The following SCAI variants were observed in gnomAD, a reference collection of about 807,000 sequenced individuals.
SCAI encodes the protein suppressor of cancer cell invasion.
SCAI carries 24 observed loss-of-function variants against 92.2 expected under a neutral mutation model. The ratio of observed to expected loss-of-function variants is 0.26; its 90% confidence interval spans 0.19 to 0.37. SCAI has a LOEUF of 0.37. SCAI is among the 10% of genes least tolerant of loss of function. The pLI is 1.00. For synonymous variants in SCAI, 261 were observed against 258.6 expected, an observed-to-expected ratio of 1.01 and a Z score of -0.09; for missense variants, 450 against 736.2, an observed-to-expected ratio of 0.61 and a Z score of 4.50.
intron 14 of SCAI, among the ~76,000 whole-genome samples, chr9:124,991,148 T>A (rs1832112207): frequency 6.6e-6 from 1 of 151,120 alleles, no homozygotes; most frequent in Middle Eastern, 3.2e-3. Context: ...AGGTTGGGAG[T>A]TCGAGACCAG....
At chr9:124,972,820 G>A (rs1831685683) in intron 15 of SCAI, among the ~76,000 whole-genome samples, 1 of 152,124 alleles carries the variant, frequency 6.6e-6, no homozygotes, top group African/African-American at 2.4e-5. Flanking sequence ...ATGGTTCTAT[G>A]GGCTTAGTAT....
At chr9:124,994,035 A>AT (rs34546893) in intron 14 of SCAI, among the ~76,000 whole-genome samples, 32,868 of 138,984 alleles carry the variant, frequency 0.24, 3,990 homozygotes, top group East Asian at 0.32. Context: ...CACTGCTGGC[A>AT]TTTTTTTTTT....
chr9:125,125,535 A>AC (rs1376249501), intron 2 of SCAI, among the ~76,000 whole-genome samples: 1 of 151,620 alleles, frequency 6.6e-6, no homozygotes, highest in African/African-American at 2.4e-5. Flanking sequence ...CTCCAAAAAA[A>AC]AAAGAAAGAA....
intron 2 of SCAI, among the ~76,000 whole-genome samples, chr9:125,121,542 G>A (rs1353050255): frequency 4.0e-5 from 6 of 151,880 alleles, no homozygotes; most frequent in Non-Finnish European, 8.8e-5. Context: ...TCAAACATAA[G>A]AACCTTTTTT....
At chr9:125,063,339 T>C (rs1246911378) in intron 2 of SCAI, among the ~76,000 whole-genome samples, 1 of 145,712 alleles carries the variant, frequency 6.9e-6, no homozygotes, top group Admixed American at 7.0e-5. Context: ...ATCGCACCAC[T>C]GCACTCTAGC....
At chr9:125,003,257 T>A in intron 10 of SCAI, 42 bp from the exon 11 acceptor site, 1 of 1,448,640 alleles carries the variant, frequency 6.9e-7, no homozygotes, top group South Asian at 1.1e-5. Context: ...AAAGCTGCAT[T>A]TGACAAATGA....
chr9:125,078,859 G>T (rs1834149974), intron 2 of SCAI, among the ~76,000 whole-genome samples: 1 of 152,066 alleles, frequency 6.6e-6, no homozygotes, highest in Non-Finnish European at 1.5e-5. Flanking sequence ...AGCCATAATT[G>T]TACCACTGTA....
chr9:125,010,333 C>T (rs778260718), intron 9 of SCAI, among the ~76,000 whole-genome samples: 1 of 152,226 alleles, frequency 6.6e-6, no homozygotes, highest in Non-Finnish European at 1.5e-5. Context: ...CACCCCAATA[C>T]TGCGCTTTTC....
Position 125,029,749 on chromosome 9 carries a change from T to C in SCAI, c.231-10A>G, listed in dbSNP as rs570678638. ...ATATTGTGGCAAATCTCTGTAATAG[T>C]AAATGAGTATGTATTAATATTAAAC... On this transcript the variant is annotated splice_polypyrimidine_tract_variant and intron_variant, in intron 3 of 17. Transcript: ENST00000336505. 1.1e-5 allele frequency: 17 copies of C among 1,494,826 alleles called. No homozygotes were observed. The East Asian group carries it at 2.7e-4, about 24-fold the overall frequency. 92.6% of individuals were successfully genotyped at this position (1,494,826 alleles called of 1,614,324 possible). A position where few individuals can be genotyped will look rare whatever the true frequency, so the allele number is the denominator to read the frequency against.
chr9:124,974,447 CAA>C lies in SCAI; in HGVS notation c.1399+1665_1399+1666del, dbSNP rs34233299. ...TGAGTGACAGAGTGAGACCCCATCT[CAA>C]AAAAAAAAAAAAAAAAATTGAATAA... On this transcript the variant is annotated intron_variant, in intron 15 of 17. Coordinates refer to ENST00000336505, the MANE Select transcript of SCAI (RefSeq NM_001144877.3). 2.9e-3 allele frequency among the ~76,000 whole-genome samples: 271 copies of C among 92,616 alleles called. 2 individuals are homozygous for C. The highest frequency in any genetic ancestry group is 3.5e-3 in the Non-Finnish European group (158 of 45,742). The allele number at this position is 92,616 out of a possible 152,430, so 60.8% of individuals were successfully genotyped here.
chr9:125,028,337 C>T (rs1307489790), intron 5 of SCAI, 55 bp downstream of exon 5: 8 of 973,018 alleles, frequency 8.2e-6, no homozygotes, highest in Non-Finnish European at 1.3e-5. Context: ...TATACTTCTG[C>T]ATGCTGTGTT....
At chr9:125,009,217 G>A (rs1832578012) in intron 9 of SCAI, among the ~76,000 whole-genome samples, 2 of 152,134 alleles carry the variant, frequency 1.3e-5, no homozygotes, top group Non-Finnish European at 2.9e-5. Flanking sequence ...ATCAAAATAT[G>A]TAGAATAAAA....
intron 2 of SCAI, among the ~76,000 whole-genome samples, chr9:125,078,892 A>G (rs1834151039): frequency 6.6e-6 from 1 of 152,202 alleles, no homozygotes; most frequent in African/African-American, 2.4e-5. Flanking sequence ...GGATAGACAA[A>G]GACCCTGTCT....
chr9:125,087,596 C>T (rs143572200), intron 2 of SCAI, among the ~76,000 whole-genome samples: 4 of 152,280 alleles, frequency 2.6e-5, no homozygotes, highest in East Asian at 3.9e-4. Context: ...CAAATAAAGA[C>T]ATTCTAGAAA....
At chr9:125,142,087 G>A (rs558462238) in intron 2 of SCAI, among the ~76,000 whole-genome samples, 7 of 152,136 alleles carry the variant, frequency 4.6e-5, no homozygotes, top group African/African-American at 1.7e-4. Flanking sequence ...CACAACACCC[G>A]CTCAGCTAGT....
chr9:125,067,061 G>A (rs1357196410), intron 2 of SCAI, among the ~76,000 whole-genome samples: 1 of 152,050 alleles, frequency 6.6e-6, no homozygotes, highest in African/African-American at 2.4e-5. Context: ...CTGTTGTTAA[G>A]CAACACGACT....
chr9:125,060,463 C>T (rs1833749701), intron 2 of SCAI, among the ~76,000 whole-genome samples: 1 of 152,102 alleles, frequency 6.6e-6, no homozygotes, highest in Non-Finnish European at 1.5e-5. Flanking sequence ...AATATATAAC[C>T]AAAAAGATCA....
intron 6 of SCAI, among the ~76,000 whole-genome samples, chr9:125,025,993 A>G (rs936116357): frequency 2.6e-5 from 4 of 152,232 alleles, no homozygotes; most frequent in African/African-American, 9.7e-5. Context: ...TTCTCATCCA[A>G]CAGTTCCCAG....
intron 17 of SCAI, among the ~76,000 whole-genome samples, chr9:124,964,854 T>C (rs1442584903): frequency 6.6e-6 from 1 of 152,266 alleles, no homozygotes; most frequent in Non-Finnish European, 1.5e-5. Context: ...ATCTTTTCTG[T>C]CAAGGTGCAT....
Sources: allele counts gnomAD v4.1 joint callset (sites outside exome capture counted in the v4.1 genomes callset), GRCh38; gene constraint gnomAD v4.1.1; transcripts MANE v1.5; gene names NCBI Gene and HGNC (gene_info 2026-07-23, HGNC 2026-07-21).